The following ST3GAL5 variants were observed in gnomAD, a reference collection of about 807,000 sequenced individuals.
The protein encoded by ST3GAL5 is ST3 beta-galactoside alpha-2,3-sialyltransferase 5.
ST3GAL5 carries 25 observed loss-of-function variants against 46.1 expected under a neutral mutation model. The observed-to-expected ratio is 0.54, with a 90% CI of 0.40 to 0.76. ST3GAL5 has a LOEUF of 0.76. Among genes scored for constraint, ST3GAL5 ranks in the 30% least tolerant of loss-of-function variants. ST3GAL5 has a pLI of 0.00. For missense variants in ST3GAL5, 431 were observed against 521.2 expected, an observed-to-expected ratio of 0.83 and a Z score of 1.69; for synonymous variants, 182 against 192.7, an observed-to-expected ratio of 0.94 and a Z score of 0.46.
intron 6 of ST3GAL5, among the ~76,000 whole-genome samples, chr2:85,841,224 C>T (rs955294401): frequency 2.6e-5 from 4 of 152,066 alleles, no homozygotes; most frequent in Non-Finnish European, 5.9e-5. Context: ...CAGCTACATC[C>T]CACTTAAGGG....
chr2:85,861,713 G>A (rs1448175916), intron 2 of ST3GAL5, among the ~76,000 whole-genome samples: 3 of 150,374 alleles, frequency 2.0e-5, no homozygotes, highest in South Asian at 2.1e-4. Flanking sequence ...AATTCTACCC[G>A]GAAGTGAGGC....
At chr2:85,867,587 C>A (rs968779228) in intron 1 of ST3GAL5, 1 of 780,904 alleles carries the variant, frequency 1.3e-6, no homozygotes, top group Non-Finnish European at 2.4e-6. Flanking sequence ...CAGAAAGAAA[C>A]GTGTGATGGG....
intron 2 of ST3GAL5, 55 bp from the exon 3 acceptor site, chr2:85,861,347 C>A: frequency 1.8e-6 from 2 of 1,142,468 alleles, no homozygotes; most frequent in South Asian, 1.2e-5. Flanking sequence ...TCATGAGATG[C>A]AATGTGAAAC....
At chr2:85,842,762 C>CTT (rs765907064) in intron 6 of ST3GAL5, among the ~76,000 whole-genome samples, 2 of 140,204 alleles carry the variant, frequency 1.4e-5, no homozygotes, top group Admixed American at 7.2e-5. Context: ...TGTTCTGTAT[C>CTT]TTTTTTTTTT....
chr2:85,850,075 A>G (rs17026675), intron 3 of ST3GAL5: 26,494 of 152,062 alleles, frequency 0.17, 2,840 homozygotes, highest in South Asian at 0.34. Context: ...TTAGGAATGC[A>G]TCTATCCTAT....
At chr2:85,850,730 A>C (rs1302111996) in intron 3 of ST3GAL5, 1 of 152,252 alleles carries the variant, frequency 6.6e-6, no homozygotes, top group Non-Finnish European at 1.5e-5. Context: ...GAGAAGTGGC[A>C]AGAGGGACCC....
At chr2:85,885,216 T>G (rs1311645166) in intron 1 of ST3GAL5, among the ~76,000 whole-genome samples, 1 of 152,146 alleles carries the variant, frequency 6.6e-6, no homozygotes. Flanking sequence ...AGTGCAGTAT[T>G]ATGAGAGCTC....
chr2:85,844,549 G>A lies in ST3GAL5; in HGVS notation c.855C>T (p.Phe285=). The A allele has an allele frequency of 1.2e-6, 2 of 1,614,098 alleles. No homozygotes were observed. The highest frequency in any genetic ancestry group is 1.7e-6 in the Non-Finnish European group (2 of 1,180,038). The change falls in exon 6 of 7, where the codon TTC becomes TTT. Residue 285 remains phenylalanine, a synonymous_variant. Coordinates refer to ENST00000638572, the MANE Select transcript of ST3GAL5 (RefSeq NM_003896.4). ...QAMVKKETLP[F]WVRLFFWKQV... ...GCTTCCAAAAGAAGAGTCGTACCCA[G>A]AATGGCTAAGGAAAGCAAGCAAGCA...
intron 3 of ST3GAL5, chr2:85,851,774 C>A: frequency 8.0e-7 from 1 of 1,255,666 alleles, no homozygotes. Context: ...GCCTCAGAGG[C>A]GTCAGCTGGG....
intron 1 of ST3GAL5, among the ~76,000 whole-genome samples, chr2:85,876,462 CTTTTTTT>C (rs59265377): frequency 3.6e-5 from 4 of 111,250 alleles, no homozygotes; most frequent in Non-Finnish European, 3.6e-5. Flanking sequence ...TTTCTTTTTC[CTTTTTTT>C]TTTTTTTTTT....
intron 5 of ST3GAL5, chr2:85,846,141 A>G: frequency 2.0e-6 from 1 of 492,612 alleles, no homozygotes; most frequent in East Asian, 3.8e-5. Context: ...GGCTGCAGAG[A>G]GCCAAGACTG....
At chr2:85,861,114 T>C (rs1397902450) in intron 3 of ST3GAL5, 67 bp downstream of exon 3, 3 of 1,068,196 alleles carry the variant, frequency 2.8e-6, no homozygotes, top group African/African-American at 1.5e-5. Context: ...AGTAGACTAA[T>C]GATATTATAG....
rs1043188730 is a variant in ST3GAL5 at position 85,847,758 on chromosome 2, G to A, written c.662+103C>T. 8.9e-6 allele frequency: 13 copies of A among 1,453,970 alleles called. No individual in the cohort carries two copies. In the African/African-American group the frequency reaches 1.3e-4, roughly 14 times the overall value. 90.1% of individuals were successfully genotyped at this position (1,453,970 alleles called of 1,614,324 possible). ...TGCAGTGAGCTGAGATCACACCACT[G>A]CACTCCAGCCTGGACAACAGGAGTG... On this transcript the variant is annotated intron_variant, in intron 4 of 6. Transcript: ENST00000638572.
chr2:85,861,188 T>C lies in ST3GAL5; in HGVS notation c.311A>G (p.His104Arg), dbSNP rs1138484. ...ACCAATGGGATATCTAACCTTTACA[T>C]GGTCAGGGTCCACATAATGCATTTT... Reference protein sequence around the residue: ...MKKMHYVDPDHVKRAQKYAQQ... With the variant: ...MKKMHYVDPDRVKRAQKYAQQ... Residue 104 changes from histidine to arginine, a missense_variant, in exon 3 of 7, where the codon CAT becomes CGT. Coordinates refer to ENST00000638572, the MANE Select transcript of ST3GAL5 (RefSeq NM_003896.4). 328,848 of 1,594,414 alleles carry C rather than the reference T, an allele frequency of 0.21. 35,802 individuals are homozygous for C. Among genetic ancestry groups the C allele is most frequent in the South Asian group, 0.32 (28,632 of 90,554 alleles).
chr2:85,870,874 A>C (rs1352793945), intron 1 of ST3GAL5, among the ~76,000 whole-genome samples: 1 of 151,924 alleles, frequency 6.6e-6, no homozygotes, highest in Non-Finnish European at 1.5e-5. Context: ...ACAGGGTTTC[A>C]CCATGGTCTC....
intron 6 of ST3GAL5, among the ~76,000 whole-genome samples, chr2:85,843,005 G>A (rs1276577599): frequency 1.3e-5 from 2 of 152,068 alleles, no homozygotes; most frequent in Admixed American, 6.5e-5. Context: ...TGATCTGCCC[G>A]CCTCAGCCTC....
Position 85,839,055 on chromosome 2 carries a change from C to G in ST3GAL5, c.*1089G>C, listed in dbSNP as rs376029084. On this transcript the variant is annotated 3_prime_UTR_variant, in exon 7 of 7. Coordinates refer to ENST00000638572, the MANE Select transcript of ST3GAL5 (RefSeq NM_003896.4). ...ATTCTCTGTCCCTCACTACTGGCAT[C>G]CACAGAGAGGTCTCCGCCTAGCAGC... 53 of 152,412 alleles carry G rather than the reference C, an allele frequency of 3.5e-4. No individual in the cohort carries two copies. Among genetic ancestry groups the G allele is most frequent in the African/African-American group, 1.3e-3 (52 of 41,562 alleles). The allele number at this position is 152,412 out of a possible 1,614,324, so 9.4% of individuals were successfully genotyped here.
chr2:85,848,325 A>T, intron 3 of ST3GAL5, 121 bp from the exon 4 acceptor site: 1 of 1,601,690 alleles, frequency 6.2e-7, no homozygotes. Flanking sequence ...ACTGTCTTTT[A>T]ACACAGAATA....
At chr2:85,881,616 G>A (rs908228434) in intron 1 of ST3GAL5, among the ~76,000 whole-genome samples, 2 of 152,206 alleles carry the variant, frequency 1.3e-5, no homozygotes, top group African/African-American at 4.8e-5. Context: ...TGCCCCTGCC[G>A]TAGAAATGTG....
Sources: allele counts gnomAD v4.1 joint callset (sites outside exome capture counted in the v4.1 genomes callset), GRCh38; gene constraint gnomAD v4.1.1; transcripts MANE v1.5; gene names NCBI Gene and HGNC (gene_info 2026-07-23, HGNC 2026-07-21).